PKHD1: variants seen among roughly 807,000 people sequenced by gnomAD.
PKHD1 encodes the protein fibrocystin.
PKHD1 carries 291 observed loss-of-function variants against 412.0 expected under a neutral mutation model. The ratio of observed to expected loss-of-function variants is 0.71; its 90% confidence interval spans 0.64 to 0.78. PKHD1 has a LOEUF of 0.78. Ranked by LOEUF, PKHD1 falls within the 30% of genes least tolerant of loss-of-function variation. The pLI, the probability that PKHD1 is intolerant of heterozygous loss-of-function variation, is 0.00. For synonymous variants in PKHD1, 1,777 were observed against 1,821.5 expected (o/e 0.98, Z 0.62); for missense variants, 4,825 against 4,950.7 (o/e 0.97, Z 0.76).
At chr6:51,621,676 C>G (rs1052061645) in intron 66 of PKHD1, 1 of 152,158 alleles carries the variant, frequency 6.6e-6, no homozygotes, top group Admixed American at 6.5e-5. Flanking sequence ...GACAGACTCC[C>G]CAGCCGAAAT....
intron 60 of PKHD1, among the ~76,000 whole-genome samples, chr6:51,719,905 T>C (rs964367701): frequency 1.5e-4 from 23 of 152,118 alleles, no homozygotes; most frequent in African/African-American, 5.6e-4. Context: ...CATAAATCTT[T>C]TGTGAATGAA....
intron 60 of PKHD1, among the ~76,000 whole-genome samples, chr6:51,676,658 A>G (rs1339014255): frequency 6.6e-6 from 1 of 152,212 alleles, no homozygotes; most frequent in East Asian, 1.9e-4. Flanking sequence ...TAAAGTGAAG[A>G]CAGGTTGAAT....
At chr6:52,068,442 G>T (rs1281378256) in intron 11 of PKHD1, among the ~76,000 whole-genome samples, 2 of 152,208 alleles carry the variant, frequency 1.3e-5, no homozygotes, top group South Asian at 4.1e-4. Flanking sequence ...AAAAACCTTG[G>T]AGTGGAGTGG....
chr6:51,653,713 G>A (rs1039144024), intron 61 of PKHD1, among the ~76,000 whole-genome samples: 9 of 152,066 alleles, frequency 5.9e-5, no homozygotes, highest in African/African-American at 1.9e-4. Flanking sequence ...CAATTCAGGG[G>A]ACAACTACAC....
intron 60 of PKHD1, among the ~76,000 whole-genome samples, chr6:51,742,021 T>C (rs551260058): frequency 9.8e-5 from 15 of 152,338 alleles, no homozygotes; most frequent in Admixed American, 2.6e-4. Context: ...CCTGTAATGG[T>C]GGAATAATTC....
chr6:51,959,342 T>C (rs528992120), intron 36 of PKHD1, among the ~76,000 whole-genome samples: 1 of 152,194 alleles, frequency 6.6e-6, no homozygotes, highest in Non-Finnish European at 1.5e-5. Flanking sequence ...GAAGATGTGG[T>C]AGTAGGGTTG....
intron 64 of PKHD1, among the ~76,000 whole-genome samples, chr6:51,637,605 T>TA (rs58433463): frequency 0.36 from 52,811 of 146,640 alleles, 9,130 homozygotes; most frequent in East Asian, 0.44. Flanking sequence ...GTCTTTTTGT[T>TA]AAAAAAAAAA....
At chr6:51,968,638 G>A (rs886255238) in intron 35 of PKHD1, among the ~76,000 whole-genome samples, 2 of 152,114 alleles carry the variant, frequency 1.3e-5, no homozygotes, top group Admixed American at 6.6e-5. Context: ...AACTGCTTAG[G>A]GGCCACCCCA....
At chr6:51,764,506 C>T (rs1215603330) in intron 55 of PKHD1, among the ~76,000 whole-genome samples, 7 of 146,694 alleles carry the variant, frequency 4.8e-5, no homozygotes, top group Admixed American at 7.0e-5. Context: ...GTCAGTGTGG[C>T]GATTCCTCAG....
intron 35 of PKHD1, among the ~76,000 whole-genome samples, chr6:51,972,752 G>A (rs914505372): frequency 2.2e-4 from 34 of 152,274 alleles, no homozygotes; most frequent in African/African-American, 8.2e-4. Context: ...GCCACACATT[G>A]TCCCTTTTCT....
chr6:51,835,836 G>T (rs1013846406), intron 51 of PKHD1, among the ~76,000 whole-genome samples: 1 of 152,176 alleles, frequency 6.6e-6, no homozygotes, highest in South Asian at 2.1e-4. Context: ...AAAATTAAAA[G>T]AAATCTCTGC....
chr6:51,692,511 T>C (rs1042086656), intron 60 of PKHD1, among the ~76,000 whole-genome samples: 6 of 152,300 alleles, frequency 3.9e-5, no homozygotes, highest in Non-Finnish European at 5.9e-5. Context: ...ATATTCACTC[T>C]TCCTTACCTC....
chr6:51,667,952 TGTA>T (rs1457079682), intron 60 of PKHD1, among the ~76,000 whole-genome samples: 4 of 152,184 alleles, frequency 2.6e-5, no homozygotes, highest in Non-Finnish European at 4.4e-5. Flanking sequence ...ACTGTAGCCT[TGTA>T]GTATAGTTTG....
chr6:51,726,652 A>C (rs1782610969), intron 60 of PKHD1, among the ~76,000 whole-genome samples: 1 of 152,210 alleles, frequency 6.6e-6, no homozygotes, highest in Non-Finnish European at 1.5e-5. Flanking sequence ...TATCCTACAG[A>C]GTGGATATGG....
In PKHD1 at chr6:51,949,619, C is replaced by G. The variant is rs563650443; in HGVS notation, c.5908+10251G>C. ...GGGAAGCCTTCGAGGTGGGCTTGTC[C>G]CCAGCCAGAGAGGCGGAAAATCAAT... On this transcript the variant is annotated intron_variant, in intron 36 of 66. Transcript: ENST00000371117. Among the ~76,000 whole-genome samples the G allele has an allele frequency of 8.5e-5, 13 of 152,242 alleles. No individual in the cohort carries two copies. The South Asian group carries it at 2.7e-3, about 32-fold the overall frequency.
At chr6:52,023,649 C>A (rs1489038721) in intron 32 of PKHD1, among the ~76,000 whole-genome samples, 1 of 152,170 alleles carries the variant, frequency 6.6e-6, no homozygotes, top group Non-Finnish European at 1.5e-5. Flanking sequence ...GTTCCCCTCA[C>A]TACTGCCTTC....
intron 61 of PKHD1, among the ~76,000 whole-genome samples, chr6:51,651,538 G>GA (rs1339961398): frequency 6.6e-6 from 1 of 152,058 alleles, no homozygotes; most frequent in East Asian, 1.9e-4. Context: ...AAAAGCAAAG[G>GA]AAAAGGGCAC....
At chr6:51,807,947 T>C (rs1312638469) in intron 52 of PKHD1, among the ~76,000 whole-genome samples, 1 of 151,794 alleles carries the variant, frequency 6.6e-6, no homozygotes, top group East Asian at 1.9e-4. Context: ...GCCTAAGGGG[T>C]ATGGGGTTTC....
chr6:51,626,912 C>T, intron 66 of PKHD1, 85 bp downstream of exon 66: 1 of 1,460,828 alleles, frequency 6.8e-7, no homozygotes, highest in Non-Finnish European at 9.6e-7. Context: ...CAAATTGCTT[C>T]AGAGACAGAG....
Sources: allele counts gnomAD v4.1 joint callset (sites outside exome capture counted in the v4.1 genomes callset), GRCh38; gene constraint gnomAD v4.1.1; transcripts MANE v1.5; gene names NCBI Gene and HGNC (gene_info 2026-07-23, HGNC 2026-07-21).